Variants in RASGRF1 observed in about 807,000 individuals in gnomAD.
RASGRF1 encodes Ras protein specific guanine nucleotide releasing factor 1.
A neutral mutation model predicts 138.7 loss-of-function variants in RASGRF1; 40 were observed. The ratio of observed to expected loss-of-function variants is 0.29; its 90% CI spans 0.22 to 0.38. The LOEUF (loss-of-function observed/expected upper bound fraction) is 0.38. Among genes scored for constraint, RASGRF1 ranks in the 10% least tolerant of loss-of-function variants. The probability of loss-of-function intolerance (pLI) is 1.00; values close to 1 mark genes in which losing one functional copy is unlikely to be tolerated. For synonymous variants in RASGRF1, 614 were observed against 663.2 expected, an observed-to-expected ratio of 0.93 and a Z score of 1.14; for missense variants, 1,108 against 1,650.4, an observed-to-expected ratio of 0.67 and a Z score of 5.69.
chr15:79,075,243 C>T (rs989220041), intron 1 of RASGRF1, among the ~76,000 whole-genome samples: 3 of 152,224 alleles, frequency 2.0e-5, no homozygotes, highest in Admixed American at 2.0e-4. Context: ...ACCAGGCTCA[C>T]AGGCAGGGAT....
chr15:78,986,519 G>A (rs967660540), intron 22 of RASGRF1, among the ~76,000 whole-genome samples: 85 of 151,846 alleles, frequency 5.6e-4, no homozygotes, highest in African/African-American at 1.9e-3. Context: ...ACTAAGTTTT[G>A]TATTTTTAGT....
intron 1 of RASGRF1, among the ~76,000 whole-genome samples, chr15:79,084,619 C>T (rs941587531): frequency 2.6e-5 from 4 of 152,218 alleles, no homozygotes; most frequent in Non-Finnish European, 4.4e-5. Context: ...CTGTCCTCCT[C>T]GTGGGGCTCC....
chr15:79,090,141 G>A, intron 1 of RASGRF1, 82 bp downstream of exon 1: 1 of 1,448,610 alleles, frequency 6.9e-7, no homozygotes, highest in South Asian at 1.4e-5. Context: ...CAAAGTTCAA[G>A]CGCCATCAGC....
At chr15:79,001,870 T>C (rs2056536279) in intron 15 of RASGRF1, 83 bp from the exon 16 acceptor site, 1 of 1,015,906 alleles carries the variant, frequency 9.8e-7, no homozygotes, top group African/African-American at 1.7e-5. Context: ...TTTATGTCTA[T>C]AATTTACTGA....
At chr15:78,975,350 C>T (rs1169561568) in intron 24 of RASGRF1, among the ~76,000 whole-genome samples, 2 of 150,426 alleles carry the variant, frequency 1.3e-5, no homozygotes, top group Non-Finnish European at 2.9e-5. Flanking sequence ...CATTTGTATA[C>T]AGGCTTGTAG....
intron 1 of RASGRF1, among the ~76,000 whole-genome samples, chr15:79,081,916 C>T (rs2057919018): frequency 6.6e-6 from 1 of 152,142 alleles, no homozygotes; most frequent in South Asian, 2.1e-4. Context: ...GCCTAGTGGC[C>T]AAAATGCTTC....
At chr15:79,068,366 A>G (rs945385669) in intron 1 of RASGRF1, among the ~76,000 whole-genome samples, 4 of 151,908 alleles carry the variant, frequency 2.6e-5, no homozygotes, top group African/African-American at 9.7e-5. Flanking sequence ...TGCAGTTGAG[A>G]CAGTGTGGCT....
chr15:79,023,311 AC>A (rs1165777032), intron 10 of RASGRF1, among the ~76,000 whole-genome samples: 1 of 152,134 alleles, frequency 6.6e-6, no homozygotes, highest in Non-Finnish European at 1.5e-5. Flanking sequence ...ATCCACATCC[AC>A]TGTGAGCTCA....
At chr15:79,069,497 A>G (rs2057726295) in intron 1 of RASGRF1, among the ~76,000 whole-genome samples, 1 of 152,194 alleles carries the variant, frequency 6.6e-6, no homozygotes, top group Admixed American at 6.5e-5. Context: ...CCTGGGAGTG[A>G]GGAATATAAG....
rs762148586 is a variant in RASGRF1 at position 78,998,832 on chromosome 15, G to T, written c.2747-7C>A. ...CTCTGGTCTGGGGGAAACCCTGGCA[G>T]CATGCGTGGCAGAGGGGAGAGAGGA... is the stretch of plus-strand genomic sequence containing the variant. On this transcript the variant is annotated splice_polypyrimidine_tract_variant and splice_region_variant and intron_variant, in intron 17 of 26. Coordinates refer to ENST00000558480, the MANE Select transcript of RASGRF1 (RefSeq NM_001145648.3). 2 of 1,602,768 alleles carry T rather than the reference G, an allele frequency of 1.2e-6. No homozygotes were observed. Among genetic ancestry groups the T allele is most frequent in the African/African-American group, 2.7e-5 (2 of 74,680 alleles).
chr15:79,090,340 G>A lies in RASGRF1; in HGVS notation c.159C>T (p.Tyr53=). ...WFALLQNLLF[Y]FESDSSSRPS... is the part of the protein sequence containing the mutation. The stretch of plus-strand genomic sequence containing the variant: ...GCCGCGAGCTCGAGTCGCTCTCGAA[G>A]TAGAAGAGCAGGTTCTGCAGCAGCG... Residue 53 remains tyrosine (Y), a synonymous_variant, in exon 1 of 27, where the codon TAC becomes TAT. Coordinates refer to ENST00000558480, the MANE Select transcript of RASGRF1 (RefSeq NM_001145648.3). 6.2e-7 allele frequency: 1 copy of A among 1,613,968 alleles called. No individual in the cohort carries two copies. Among genetic ancestry groups the A allele is most frequent in the Non-Finnish European group, 8.5e-7 (1 of 1,179,986 alleles).
At chr15:79,071,696 G>T (rs2057758265) in intron 1 of RASGRF1, among the ~76,000 whole-genome samples, 1 of 151,948 alleles carries the variant, frequency 6.6e-6, no homozygotes, top group Non-Finnish European at 1.5e-5. Flanking sequence ...TTCTTTCTTT[G>T]TGTCTCTGTT....
At chr15:79,082,271 T>C (rs1365043089) in intron 1 of RASGRF1, among the ~76,000 whole-genome samples, 1 of 152,140 alleles carries the variant, frequency 6.6e-6, no homozygotes, top group East Asian at 1.9e-4. Context: ...GCACCTCTTC[T>C]GAAATAAAGC....
At chr15:78,963,645 G>C (rs1221826193) in intron 26 of RASGRF1, among the ~76,000 whole-genome samples, 1 of 152,110 alleles carries the variant, frequency 6.6e-6, no homozygotes, top group Non-Finnish European at 1.5e-5. Context: ...GTAGCTGCTT[G>C]AGAAAAATAA....
intron 13 of RASGRF1, among the ~76,000 whole-genome samples, chr15:79,011,798 C>T (rs1476271012): frequency 6.6e-6 from 1 of 152,206 alleles, no homozygotes; most frequent in Non-Finnish European, 1.5e-5. Context: ...TCTGCACACA[C>T]ACTAGCCTAA....
chr15:79,014,873 C>T (rs1158942465), intron 13 of RASGRF1, among the ~76,000 whole-genome samples: 3 of 150,676 alleles, frequency 2.0e-5, no homozygotes, highest in Non-Finnish European at 2.9e-5. Flanking sequence ...GCTGAGATTG[C>T]ACCACTGTAC....
In RASGRF1 at chr15:78,980,656, T is replaced by G. The variant is rs1008748374; in HGVS notation, c.3458A>C (p.Glu1153Ala). 2 of 1,608,312 alleles carry G rather than the reference T, an allele frequency of 1.2e-6. No homozygotes were observed. The highest frequency in any genetic ancestry group is 1.7e-6 in the Non-Finnish European group (2 of 1,175,216). ...TTCTCTGAGATTCTTAAATCTGCCC[T>G]CAGATGACACAAGCTTTTGGAGCTT... ...IDKLQKLVSSEGRFKNLREAL... is the reference protein window; with the variant it reads ...IDKLQKLVSSAGRFKNLREAL... Residue 1153 changes from glutamate (E) to alanine (A), a missense_variant, in exon 24 of 27, where the codon GAG becomes GCG. Around this residue, in one of 3 missense-constraint regions of RASGRF1, gnomAD observed 686 missense variants for 976.7 expected, o/e 0.70. Transcript: ENST00000558480.
At position 78,962,079 on chromosome 15, in the gene RASGRF1, C is replaced by T. The variant is rs921829175; in HGVS notation, c.*65G>A. ...AAGAAGAAAATCCAGTGAAACCAAACGAATATGTACAGTATCATCTAGCAC... is the reference window on the plus strand; with the variant it reads ...AAGAAGAAAATCCAGTGAAACCAAATGAATATGTACAGTATCATCTAGCAC... On this transcript the variant is annotated 3_prime_UTR_variant, in exon 27 of 27. Transcript: ENST00000558480. The T allele has an allele frequency of 1.3e-5, 13 of 1,013,146 alleles. No individual in the cohort carries two copies. Among genetic ancestry groups the T allele is most frequent in the African/African-American group, 6.5e-5 (4 of 61,788 alleles). The allele number at this position is 1,013,146 out of a possible 1,614,324, so 62.8% of individuals were successfully genotyped here.
Position 78,966,592 on chromosome 15 carries a change from A to G in RASGRF1, c.3682-4356T>C, listed in dbSNP as rs1024924188. On this transcript the variant is annotated intron_variant, in intron 26 of 26. Transcript: ENST00000558480. The stretch of plus-strand genomic sequence containing the variant: ...TTTATTTCTTTTTATTTTAAAGTTG[A>G]TTTATATCTTATTTTAGATATAAAA... Among the ~76,000 whole-genome samples, 5 of 152,128 alleles carry G rather than the reference A, an allele frequency of 3.3e-5. No individual in the cohort carries two copies. In the East Asian group the frequency reaches 9.7e-4, roughly 29 times the overall value.
Sources: gnomAD v4.1 joint callset for allele counts (sites outside exome capture counted in the v4.1 genomes callset) on GRCh38, gnomAD v4.1.1 for gene constraint, gnomAD v4.1.1 regional missense constraint, MANE v1.5 for transcripts, NCBI Gene and HGNC (gene_info 2026-07-23, HGNC 2026-07-21) for gene names.